MCC: variants seen among roughly 807,000 people sequenced by gnomAD.
MCC encodes the protein MCC regulator of Wnt signaling pathway, also known as colorectal mutant cancer protein.
A neutral mutation model predicts 116.2 loss-of-function variants in MCC; 90 were observed. That is an observed-to-expected ratio of 0.77 (90% CI 0.65 to 0.92). MCC has a LOEUF of 0.92. Among genes scored for constraint, MCC ranks in the 40% least tolerant of loss-of-function variants. MCC has a pLI of 0.00. For missense variants in MCC, 1,516 were observed against 1,312.2 expected (o/e 1.16, Z -2.40); for synonymous variants, 578 against 510.5 (o/e 1.13, Z -1.78).
intron 3 of MCC, among the ~76,000 whole-genome samples, chr5:113,272,307 C>A (rs1336096315): frequency 2.0e-5 from 3 of 152,006 alleles, no homozygotes; most frequent in African/African-American, 7.2e-5. Context: ...GTGGAATGGC[C>A]GTATTTGTTC....
At chr5:113,264,346 C>T (rs561528275) in intron 3 of MCC, among the ~76,000 whole-genome samples, 2 of 152,282 alleles carry the variant, frequency 1.3e-5, no homozygotes, top group Admixed American at 1.3e-4. Context: ...ACGGGTCAAA[C>T]ACCTAAAGTC....
intron 1 of MCC, among the ~76,000 whole-genome samples, chr5:113,476,084 G>T (rs1177695757): frequency 2.6e-5 from 4 of 152,196 alleles, no homozygotes; most frequent in Admixed American, 1.3e-4. Context: ...AAAATCAAAA[G>T]TACCCTGAAA....
rs970276070 is a variant in MCC at position 113,185,332 on chromosome 5, C to T, written c.628-33910G>A. On this transcript the variant is annotated intron_variant, in intron 3 of 18. Coordinates refer to ENST00000408903, the MANE Select transcript of MCC (RefSeq NM_001085377.2). ...CCCTAGAGGAAACAACTCTATGGACCTGAAAACTGCAAACACACACACACA... is the reference window on the plus strand; with the variant it reads ...CCCTAGAGGAAACAACTCTATGGACTTGAAAACTGCAAACACACACACACA... Among the ~76,000 whole-genome samples the T allele has an allele frequency of 2.0e-5, 3 of 152,078 alleles. No individual in the cohort carries two copies. In the East Asian group the frequency reaches 5.8e-4, roughly 29 times the overall value.
intron 1 of MCC, among the ~76,000 whole-genome samples, chr5:113,423,774 T>G (rs79458866): frequency 0.011 from 1,633 of 152,202 alleles, 35 homozygotes; most frequent in African/African-American, 0.037. Flanking sequence ...ACAGTCAAGT[T>G]TTCTCAACCC....
intron 3 of MCC, among the ~76,000 whole-genome samples, chr5:113,206,075 C>CT (rs1561457009): frequency 6.6e-6 from 1 of 152,234 alleles, no homozygotes; most frequent in African/African-American, 2.4e-5. Context: ...TCCTGCAGGA[C>CT]TGCTCCAAGA....
intron 18 of MCC, among the ~76,000 whole-genome samples, chr5:113,028,242 C>G (rs1158698319): frequency 1.3e-5 from 2 of 152,168 alleles, no homozygotes; most frequent in African/African-American, 4.8e-5. Flanking sequence ...AATATACATC[C>G]ACATAATGTT....
chr5:113,357,200 C>A (rs1228693400), intron 2 of MCC, among the ~76,000 whole-genome samples: 1 of 152,166 alleles, frequency 6.6e-6, no homozygotes, highest in Admixed American at 6.5e-5. Flanking sequence ...TTAAGACAAT[C>A]CCTGGCATAT....
chr5:113,226,269 T>C (rs1763733531), intron 3 of MCC, among the ~76,000 whole-genome samples: 1 of 152,244 alleles, frequency 6.6e-6, no homozygotes, highest in African/African-American at 2.4e-5. Context: ...TTTATTCTAT[T>C]CCATGGAATG....
At chr5:113,054,923 C>T (rs936431276) in intron 14 of MCC, among the ~76,000 whole-genome samples, 1 of 152,224 alleles carries the variant, frequency 6.6e-6, no homozygotes, top group African/African-American at 2.4e-5. Flanking sequence ...GCTCCCCGTG[C>T]CTCCGAATAA....
intron 3 of MCC, among the ~76,000 whole-genome samples, chr5:113,182,333 G>A (rs908413253): frequency 6.6e-6 from 1 of 152,204 alleles, no homozygotes; most frequent in Non-Finnish European, 1.5e-5. Context: ...ATGTGGTTAA[G>A]TGGGCACATA....
rs73244727 is a variant in MCC, at chr5:113,159,670, C to T, written c.628-8248G>A. On this transcript the variant is annotated intron_variant, in intron 3 of 18. Coordinates refer to ENST00000408903, the MANE Select transcript of MCC (RefSeq NM_001085377.2). ...TCAGCTTCCCATCCAAGACTCCACACCCAGGTGTTCTAATTCAGATACATA... is the reference window on the plus strand; with the variant it reads ...TCAGCTTCCCATCCAAGACTCCACATCCAGGTGTTCTAATTCAGATACATA... Among the ~76,000 whole-genome samples the T allele has an allele frequency of 4.8e-3, 734 of 152,292 alleles. 6 individuals carry two copies. The highest frequency in any genetic ancestry group is 0.017 in the African/African-American group (697 of 41,550).
At chr5:113,057,658 A>C (rs11949500) in intron 14 of MCC, among the ~76,000 whole-genome samples, 9 of 152,220 alleles carry the variant, frequency 5.9e-5, no homozygotes, top group African/African-American at 2.2e-4. Flanking sequence ...GGACGCATCC[A>C]AAGGACCCTC....
intron 11 of MCC, among the ~76,000 whole-genome samples, chr5:113,079,228 T>G (rs1339825945): frequency 6.6e-6 from 1 of 152,256 alleles, no homozygotes; most frequent in Non-Finnish European, 1.5e-5. Context: ...ATGGCCATAC[T>G]GCCCAAGGCA....
At chr5:113,044,673 C>A (rs1751952171) in intron 16 of MCC, among the ~76,000 whole-genome samples, 1 of 152,204 alleles carries the variant, frequency 6.6e-6, no homozygotes, top group African/African-American at 2.4e-5. Context: ...CTCCTGGGTT[C>A]AAGCGATTCT....
At chr5:113,112,659 C>T (rs1179882393) in intron 6 of MCC, among the ~76,000 whole-genome samples, 1 of 152,184 alleles carries the variant, frequency 6.6e-6, no homozygotes, top group East Asian at 1.9e-4. Context: ...CTTCCCAGCC[C>T]TTTGGCACTC....
intron 6 of MCC, among the ~76,000 whole-genome samples, chr5:113,109,243 A>G (rs895243111): frequency 3.9e-5 from 6 of 152,232 alleles, no homozygotes; most frequent in Non-Finnish European, 8.8e-5. Flanking sequence ...TATTCACAGT[A>G]GCCAAAAGGT....
In MCC at chr5:113,472,950, A is replaced by T. The variant is rs187656970; in HGVS notation, c.170+15295T>A. On this transcript the variant is annotated intron_variant, in intron 1 of 18. Transcript: ENST00000408903. Reference sequence around the variant, plus strand: ...TGGTTCATTCATTCAATGTTGCTTTAGCATCTAATCAACGCATGATGTCAG... The same window carrying T: ...TGGTTCATTCATTCAATGTTGCTTTTGCATCTAATCAACGCATGATGTCAG... 2.3e-3 allele frequency among the ~76,000 whole-genome samples: 351 copies of T among 152,340 alleles called. 2 individuals carry two copies. The highest frequency in any genetic ancestry group is 8.3e-3 in the African/African-American group (344 of 41,580).
chr5:113,391,465 A>G (rs1769399395), intron 1 of MCC, among the ~76,000 whole-genome samples: 1 of 152,194 alleles, frequency 6.6e-6, no homozygotes, highest in Non-Finnish European at 1.5e-5. Context: ...CTGTAATCCC[A>G]GCACTTTTAA....
Position 113,146,120 on chromosome 5 carries a change from T to A in MCC, c.742-2760A>T, listed in dbSNP as rs201934290. Reference sequence around the variant, plus strand: ...CATTCCTATATTTTTCCGTAAGTTTTAAAAAAATAGCATACAATGTAGTAC... The same window carrying A: ...CATTCCTATATTTTTCCGTAAGTTTAAAAAAAATAGCATACAATGTAGTAC... On this transcript the variant is annotated intron_variant, in intron 4 of 18. Coordinates refer to ENST00000408903, the MANE Select transcript of MCC (RefSeq NM_001085377.2). Among the ~76,000 whole-genome samples, 7 of 151,770 alleles carry A rather than the reference T, an allele frequency of 4.6e-5. No individual in the cohort carries two copies. In the East Asian group the frequency reaches 5.8e-4, roughly 13 times the overall value.
Sources: gnomAD v4.1 joint callset for allele counts (sites outside exome capture counted in the v4.1 genomes callset) on GRCh38, gnomAD v4.1.1 for gene constraint, MANE v1.5 for transcripts, NCBI Gene and HGNC (gene_info 2026-07-23, HGNC 2026-07-21) for gene names.